SCAPER: variants seen among roughly 807,000 people sequenced by gnomAD.
The protein encoded by SCAPER is S-phase cyclin A associated protein in the ER, also known as S phase cyclin A-associated protein in the endoplasmic reticulum.
A neutral mutation model predicts 182.2 loss-of-function variants in SCAPER; 98 were observed. The observed-to-expected ratio is 0.54, with a 90% CI of 0.46 to 0.64. The LOEUF (loss-of-function observed/expected upper bound fraction) is 0.64. Among genes scored for constraint, SCAPER ranks in the 30% least tolerant of loss-of-function variants. The pLI is 0.00. For synonymous variants in SCAPER, 605 were observed against 564.6 expected, an observed-to-expected ratio of 1.07 and a Z score of -1.01; for missense variants, 1,432 against 1,690.0, an observed-to-expected ratio of 0.85 and a Z score of 2.68.
At position 76,597,288 on chromosome 15, in the gene SCAPER, A is replaced by G. The variant is rs2049584641; in HGVS notation, c.2712-23004T>C. Among the ~76,000 whole-genome samples the G allele has an allele frequency of 1.7e-5, 2 of 121,098 alleles. 1 individual carries two copies. The highest frequency in any genetic ancestry group is 4.0e-5 in the Non-Finnish European group (2 of 49,796). 79.4% of individuals were successfully genotyped at this position (121,098 alleles called of 152,430 possible). ...TCTTCAAGGAGAACTACAAACCACT[A>G]CTCCACAAAATAAAAGAGGACACAA... On this transcript the variant is annotated intron_variant, in intron 22 of 31. Coordinates refer to ENST00000563290, the MANE Select transcript of SCAPER (RefSeq NM_020843.4).
intron 5 of SCAPER, among the ~76,000 whole-genome samples, chr15:76,821,793 C>T (rs2067581512): frequency 1.3e-5 from 2 of 152,016 alleles, no homozygotes; most frequent in Non-Finnish European, 2.9e-5. Flanking sequence ...ACTGTAGTCC[C>T]AGCTACTCAG....
At chr15:76,541,829 A>G (rs958190471) in intron 23 of SCAPER, among the ~76,000 whole-genome samples, 6 of 152,230 alleles carry the variant, frequency 3.9e-5, no homozygotes, top group African/African-American at 1.2e-4. Flanking sequence ...CTAGAAACAT[A>G]TATGATAAAA....
rs150148190 is a variant in SCAPER at position 76,816,811 on chromosome 15, C to A, written c.394-12178G>T. Among the ~76,000 whole-genome samples the A allele has an allele frequency of 3.9e-4, 60 of 152,178 alleles. No homozygotes were observed. In the East Asian group the frequency reaches 0.011, roughly 28 times the overall value. On this transcript the variant is annotated intron_variant, in intron 5 of 31. Coordinates refer to ENST00000563290, the MANE Select transcript of SCAPER (RefSeq NM_020843.4). ...GGGACTACAGGCGCCCGCCACAATG[C>A]CCAGCTAATTTTTTTTGTATTTTTG...
intron 22 of SCAPER, among the ~76,000 whole-genome samples, chr15:76,621,393 A>T (rs1209182586): frequency 6.6e-6 from 1 of 152,170 alleles, no homozygotes; most frequent in Non-Finnish European, 1.5e-5. Context: ...CAGAGCAAGC[A>T]CCAGCACAGC....
intron 5 of SCAPER, among the ~76,000 whole-genome samples, chr15:76,822,016 T>C (rs2067606213): frequency 6.6e-6 from 1 of 152,272 alleles, no homozygotes; most frequent in Admixed American, 6.5e-5. Flanking sequence ...TGGGGAAGAA[T>C]TAACAGGCAG....
chr15:76,841,646 C>CA, intron 5 of SCAPER, 88 bp downstream of exon 5: 1 of 1,379,624 alleles, frequency 7.2e-7, no homozygotes, highest in Non-Finnish European at 9.9e-7. Flanking sequence ...AACTCCATCT[C>CA]AAAGAAAAAA....
intron 30 of SCAPER, 112 bp from the exon 31 acceptor site, chr15:76,351,400 T>C: frequency 1.2e-6 from 1 of 860,512 alleles, no homozygotes. Context: ...ATGAATATTT[T>C]GGGGCCCAAA....
chr15:76,884,365 A>C (rs1370985140), intron 1 of SCAPER, among the ~76,000 whole-genome samples: 1 of 152,226 alleles, frequency 6.6e-6, no homozygotes, highest in Non-Finnish European at 1.5e-5. Context: ...TCATAAACTA[A>C]GATTTTATCA....
chr15:76,767,052 C>A lies in SCAPER; in HGVS notation c.1285G>T (p.Ala429Ser). The stretch of plus-strand genomic sequence containing the variant: ...TCATTGGCCTTTTCTAGACGATCTG[C>A]TAGCTCTTCTTTTTTAGCAAGGACT... The part of the protein sequence containing the change: ...AEVLAKKEEL[A>S]DRLEKANEEA... Residue 429 changes from alanine to serine, a missense_variant, in exon 11 of 32, where the codon GCA becomes TCA. Transcript: ENST00000563290. The A allele has an allele frequency of 6.3e-7, 1 of 1,599,146 alleles. No individual in the cohort carries two copies. Among genetic ancestry groups the A allele is most frequent in the Non-Finnish European group, 8.5e-7 (1 of 1,172,236 alleles).
chr15:76,620,679 C>T (rs903272780), intron 22 of SCAPER, among the ~76,000 whole-genome samples: 1 of 152,142 alleles, frequency 6.6e-6, no homozygotes, highest in African/African-American at 2.4e-5. Context: ...ACTTGGGGCA[C>T]TTAAATTGTT....
At chr15:76,477,518 T>C (rs907456243) in intron 24 of SCAPER, among the ~76,000 whole-genome samples, 1 of 152,162 alleles carries the variant, frequency 6.6e-6, no homozygotes, top group African/African-American at 2.4e-5. Flanking sequence ...CCAATAATGA[T>C]AATTTGAGTC....
intron 2 of SCAPER, among the ~76,000 whole-genome samples, chr15:76,869,121 G>A (rs1414634169): frequency 6.6e-6 from 1 of 151,970 alleles, no homozygotes; most frequent in African/African-American, 2.4e-5. Context: ...AAATCAAAAT[G>A]GATTAAAAAC....
intron 10 of SCAPER, among the ~76,000 whole-genome samples, chr15:76,769,208 C>T (rs370649083): frequency 6.6e-6 from 1 of 151,860 alleles, no homozygotes; most frequent in Non-Finnish European, 1.5e-5. Context: ...TTTGGGAGGC[C>T]GAGGCGGGTG....
At chr15:76,729,626 C>T (rs2060800955) in intron 16 of SCAPER, among the ~76,000 whole-genome samples, 1 of 152,136 alleles carries the variant, frequency 6.6e-6, no homozygotes, top group South Asian at 2.1e-4. Flanking sequence ...CCATTATTCA[C>T]TAGCACAGTG....
chr15:76,699,266 C>T (rs1428125354), intron 20 of SCAPER, among the ~76,000 whole-genome samples: 1 of 152,084 alleles, frequency 6.6e-6, no homozygotes. Flanking sequence ...CTTTCTCTTG[C>T]CTGACTGCTC....
intron 21 of SCAPER, among the ~76,000 whole-genome samples, chr15:76,647,334 C>G (rs1339325963): frequency 2.0e-5 from 3 of 152,264 alleles, no homozygotes; most frequent in African/African-American, 7.2e-5. Flanking sequence ...TAACTAGTAT[C>G]ATATTGTCCT....
At chr15:76,698,291 C>T (rs1423131304) in intron 20 of SCAPER, among the ~76,000 whole-genome samples, 1 of 152,046 alleles carries the variant, frequency 6.6e-6, no homozygotes, top group East Asian at 1.9e-4. Flanking sequence ...TCTGTATAAA[C>T]TTTTCATTTT....
chr15:76,519,986 A>G (rs983475968), intron 23 of SCAPER, among the ~76,000 whole-genome samples: 1 of 152,180 alleles, frequency 6.6e-6, no homozygotes, highest in Non-Finnish European at 1.5e-5. Flanking sequence ...GTAGTATCTT[A>G]AAATTGTACT....
At chr15:76,866,791 T>C (rs540178330) in intron 2 of SCAPER, among the ~76,000 whole-genome samples, 4 of 152,274 alleles carry the variant, frequency 2.6e-5, no homozygotes, top group South Asian at 2.1e-4. Flanking sequence ...ATGCAATACA[T>C]GGTTCTGAGA....
Sources: allele counts gnomAD v4.1 joint callset (sites outside exome capture counted in the v4.1 genomes callset), GRCh38; gene constraint gnomAD v4.1.1; transcripts MANE v1.5; gene names NCBI Gene and HGNC (gene_info 2026-07-23, HGNC 2026-07-21).